PSMD12: variants seen among roughly 807,000 people sequenced by gnomAD.
The protein encoded by PSMD12 is 26S proteasome non-ATPase regulatory subunit 12.
PSMD12 carries 8 observed loss-of-function variants against 62.9 expected under a neutral mutation model. The observed-to-expected ratio is 0.13, with a 90% CI of 0.07 to 0.23. The LOEUF (loss-of-function observed/expected upper bound fraction) is 0.23, where lower values mean the gene tolerates loss of function less well. Among genes scored for constraint, PSMD12 ranks in the 10% least tolerant of loss-of-function variants. PSMD12 has a pLI of 1.00. For synonymous variants in PSMD12, 173 were observed against 187.4 expected (o/e 0.92, Z 0.63); for missense variants, 424 against 550.2 (o/e 0.77, Z 2.29).
At chr17:67,360,165 G>A (rs1279442597) in intron 1 of PSMD12, among the ~76,000 whole-genome samples, 1 of 152,106 alleles carries the variant, frequency 6.6e-6, no homozygotes, top group East Asian at 1.9e-4. Context: ...AAAATGAAGG[G>A]CAAAAATAGT....
intron 10 of PSMD12, among the ~76,000 whole-genome samples, chr17:67,341,374 C>A (rs911693142): frequency 7.1e-6 from 1 of 141,544 alleles, no homozygotes; most frequent in African/African-American, 2.7e-5. Context: ...GAGGCTGAGG[C>A]AGGAGAATCG....
chr17:67,342,983 C>T (rs1450852321), intron 9 of PSMD12, among the ~76,000 whole-genome samples: 2 of 151,530 alleles, frequency 1.3e-5, no homozygotes, highest in East Asian at 3.9e-4. Context: ...AAATACTCAT[C>T]ACTTTACCAT....
rs570635031 is a variant in PSMD12 at position 67,339,945 on chromosome 17, T to C, written c.*898A>G. ...ATTAGGTTATCCAGTGTTCATATAA[T>C]GGAACTAAAAGTTCCTACAGAGATA... is the stretch of plus-strand genomic sequence containing the variant. On this transcript the variant is annotated 3_prime_UTR_variant, in exon 11 of 11. Transcript: ENST00000356126. 89 of 151,920 alleles carry C rather than the reference T, an allele frequency of 5.9e-4. 1 individual carries two copies. The highest frequency in any genetic ancestry group is 2.1e-3 in the African/African-American group (87 of 41,482). The allele number at this position is 151,920 out of a possible 1,614,324, so 9.4% of individuals were successfully genotyped here.
At chr17:67,354,104 C>T (rs1396231487) in intron 3 of PSMD12, among the ~76,000 whole-genome samples, 1 of 152,200 alleles carries the variant, frequency 6.6e-6, no homozygotes, top group Non-Finnish European at 1.5e-5. Context: ...TACGTTTCTC[C>T]ATTTGGAAAT....
Position 67,340,945 on chromosome 17 carries a change from A to G in PSMD12, c.1269T>C (p.Asn423=). 6.3e-7 allele frequency: 1 copy of G among 1,586,952 alleles called. No homozygotes were observed. The highest frequency in any genetic ancestry group is 8.5e-7 in the Non-Finnish European group (1 of 1,171,360). Residue 423 remains asparagine, a synonymous_variant, in exon 11 of 11, where the codon AAT becomes AAC. Coordinates refer to ENST00000356126, the MANE Select transcript of PSMD12 (RefSeq NM_002816.5). ...INFQRPKDPN[N]LLNDWSQKLN... is the part of the protein sequence containing the mutation. ...GTTTCTGAGACCAGTCATTTAATAA[A>G]TTATTTGGATCCTTGGGTCTCTGGA... is the stretch of plus-strand genomic sequence containing the variant.
intron 2 of PSMD12, 37 bp from the exon 3 acceptor site, chr17:67,357,468 A>G: frequency 6.2e-7 from 1 of 1,612,962 alleles, no homozygotes; most frequent in South Asian, 1.1e-5. Flanking sequence ...TTAATGGAAG[A>G]ATGTTCAATG....
At chr17:67,357,185 C>T in intron 3 of PSMD12, 118 bp downstream of exon 3, 3 of 1,130,104 alleles carry the variant, frequency 2.7e-6, no homozygotes, top group Non-Finnish European at 3.6e-6. Flanking sequence ...TTTAAAACAC[C>T]CTCTAGGATG....
At position 67,349,509 on chromosome 17, in the gene PSMD12, CTA is replaced by C. The variant is rs533082837; in HGVS notation, c.405+718_405+719del. Among the ~76,000 whole-genome samples, 6 of 152,266 alleles carry C rather than the reference CTA, an allele frequency of 3.9e-5. No individual in the cohort carries two copies. In the South Asian group the frequency reaches 1.2e-3, roughly 32 times the overall value. On this transcript the variant is annotated intron_variant, in intron 4 of 10. Transcript: ENST00000356126. ...CTTTGAGAACCTAAATATGAAATTACTATGTTTAACAAATAATAGGACCACAA... is the reference window on the plus strand; with the variant it reads ...CTTTGAGAACCTAAATATGAAATTACTGTTTAACAAATAATAGGACCACAA...
chr17:67,351,858 G>A (rs1003286707), intron 3 of PSMD12, among the ~76,000 whole-genome samples: 1 of 151,504 alleles, frequency 6.6e-6, no homozygotes, highest in Non-Finnish European at 1.5e-5. Flanking sequence ...CCAGACTTTG[G>A]GAGGCTGAGG....
intron 3 of PSMD12, among the ~76,000 whole-genome samples, chr17:67,354,315 G>A (rs143877395): frequency 2.2e-4 from 34 of 152,206 alleles, no homozygotes; most frequent in Admixed American, 3.9e-4. Context: ...GGAGGCTGAT[G>A]GGGAGGACTG....
chr17:67,365,232 A>C (rs2042168370), intron 1 of PSMD12, among the ~76,000 whole-genome samples: 1 of 151,290 alleles, frequency 6.6e-6, no homozygotes, highest in Non-Finnish European at 1.5e-5. Context: ...ATAGGCTTCT[A>C]GGCAGGACAG....
At chr17:67,342,306 C>T in intron 9 of PSMD12, 43 bp from the exon 10 acceptor site, 1 of 1,298,082 alleles carries the variant, frequency 7.7e-7, no homozygotes. Flanking sequence ...TAACATTTGT[C>T]AGTAAGTCTA....
At chr17:67,345,915 A>G in intron 7 of PSMD12, 58 bp from the exon 8 acceptor site, 1 of 1,433,198 alleles carries the variant, frequency 7.0e-7, no homozygotes, top group Non-Finnish European at 9.7e-7. Flanking sequence ...AACTTTGACA[A>G]AAACTGAACA....
chr17:67,357,643 G>A (rs1598574291), intron 1 of PSMD12, 65 bp from the exon 2 acceptor site: 1 of 1,506,298 alleles, frequency 6.6e-7, no homozygotes, highest in East Asian at 2.3e-5. Flanking sequence ...AGTCTAAAAT[G>A]AAATGGTTTT....
At chr17:67,344,306 G>C (rs1277117779) in intron 9 of PSMD12, among the ~76,000 whole-genome samples, 2 of 151,242 alleles carry the variant, frequency 1.3e-5, no homozygotes, top group African/African-American at 4.8e-5. Flanking sequence ...CTAAAATATA[G>C]CTATCTTTTC....
At chr17:67,352,803 C>T (rs1030619119) in intron 3 of PSMD12, among the ~76,000 whole-genome samples, 11 of 152,186 alleles carry the variant, frequency 7.2e-5, no homozygotes, top group Non-Finnish European at 1.3e-4. Context: ...CACTACCCAC[C>T]CTAGTCACTC....
chr17:67,358,927 G>C (rs1264897310), intron 1 of PSMD12, among the ~76,000 whole-genome samples: 1 of 152,026 alleles, frequency 6.6e-6, no homozygotes, highest in Non-Finnish European at 1.5e-5. Context: ...TTCTCCCTAG[G>C]CTATATATTT....
At position 67,344,750 on chromosome 17, in the gene PSMD12, C is replaced by T. The variant is rs1208320076; in HGVS notation, c.939G>A (p.Glu313=). The T allele has an allele frequency of 6.2e-7, 1 of 1,601,840 alleles. No individual in the cohort carries two copies. The highest frequency in any genetic ancestry group is 8.5e-7 in the Non-Finnish European group (1 of 1,172,792). ...KDLLKLFTTM[E]LMRWSTLVED... ...CAACAAGTGTGGACCAACGCATCAACTCCATTGTGGTAAAAAGCTTTAAAA... is the reference window on the plus strand; with the variant it reads ...CAACAAGTGTGGACCAACGCATCAATTCCATTGTGGTAAAAAGCTTTAAAA... Residue 313 remains glutamate, a synonymous_variant, in exon 9 of 11, where the codon GAG becomes GAA. Coordinates refer to ENST00000356126, the MANE Select transcript of PSMD12 (RefSeq NM_002816.5).
chr17:67,357,208 C>T, intron 3 of PSMD12, 95 bp downstream of exon 3: 2 of 1,382,068 alleles, frequency 1.4e-6, no homozygotes, highest in Non-Finnish European at 1.9e-6. Flanking sequence ...ACAACGTTGA[C>T]TTAACACATT....
Sources: gnomAD v4.1 joint callset for allele counts (sites outside exome capture counted in the v4.1 genomes callset) on GRCh38, gnomAD v4.1.1 for gene constraint, MANE v1.5 for transcripts, NCBI Gene and HGNC (gene_info 2026-07-23, HGNC 2026-07-21) for gene names.